ROBO2: variants seen among roughly 807,000 people sequenced by gnomAD.
The protein encoded by ROBO2 is roundabout guidance receptor 2, also known as roundabout homolog 2.
A neutral mutation model predicts 160.8 loss-of-function variants in ROBO2; 53 were observed. That is an observed-to-expected ratio of 0.33 (90% confidence interval 0.26 to 0.41). The LOEUF is 0.41. Among genes scored for constraint, ROBO2 ranks in the 10% least tolerant of loss-of-function variants. ROBO2 has a pLI of 1.00. For synonymous variants in ROBO2, 664 were observed against 611.7 expected (o/e 1.09, Z -1.26); for missense variants, 1,577 against 1,722.4 (o/e 0.92, Z 1.49).
At chr3:76,123,817 T>C (rs908769246) in intron 2 of ROBO2, among the ~76,000 whole-genome samples, 3 of 152,174 alleles carry the variant, frequency 2.0e-5, no homozygotes, top group Non-Finnish European at 4.4e-5. Context: ...CCTTGATCCC[T>C]ACTGCTTCAC....
intron 2 of ROBO2, among the ~76,000 whole-genome samples, chr3:76,513,774 C>G (rs1237004351): frequency 1.3e-5 from 2 of 152,148 alleles, no homozygotes; most frequent in African/African-American, 2.4e-5. Flanking sequence ...AAACAACTAT[C>G]AGACTATCCC....
chr3:76,763,743 T>A (rs913909371), intron 2 of ROBO2, among the ~76,000 whole-genome samples: 1 of 151,682 alleles, frequency 6.6e-6, no homozygotes, highest in Admixed American at 6.6e-5. Flanking sequence ...GGGATCTGGG[T>A]AAACTGTGGA....
intron 2 of ROBO2, among the ~76,000 whole-genome samples, chr3:76,637,683 T>C (rs1391328990): frequency 1.3e-5 from 2 of 152,176 alleles, no homozygotes; most frequent in Non-Finnish European, 2.9e-5. Flanking sequence ...TTTGAAATGC[T>C]AGAGGAGAGC....
intron 1 of ROBO2, among the ~76,000 whole-genome samples, chr3:77,046,757 G>A (rs899498602): frequency 1.3e-5 from 2 of 152,164 alleles, no homozygotes; most frequent in African/African-American, 4.8e-5. Context: ...ATTTTCTGAA[G>A]AGTCCATGAG....
At chr3:76,522,284 C>A (rs1167787829) in intron 2 of ROBO2, among the ~76,000 whole-genome samples, 1 of 152,140 alleles carries the variant, frequency 6.6e-6, no homozygotes, top group East Asian at 1.9e-4. Context: ...TGTGTGTATT[C>A]AAGAGCCAAA....
intron 14 of ROBO2, 110 bp from the exon 16 acceptor site, chr3:77,577,380 C>A: frequency 7.2e-7 from 1 of 1,395,868 alleles, no homozygotes; most frequent in Non-Finnish European, 1.0e-6. Flanking sequence ...ATTCAGAACT[C>A]CTGGAAGCCA....
intron 2 of ROBO2, among the ~76,000 whole-genome samples, chr3:77,211,792 T>C (rs1478962695): frequency 6.6e-6 from 1 of 152,246 alleles, no homozygotes; most frequent in Non-Finnish European, 1.5e-5. Context: ...TTTCTACATA[T>C]GGCTACCCAG....
At chr3:76,735,394 C>T (rs986734339) in intron 2 of ROBO2, among the ~76,000 whole-genome samples, 1 of 152,084 alleles carries the variant, frequency 6.6e-6, no homozygotes, top group African/African-American at 2.4e-5. Flanking sequence ...ATTGTGTATT[C>T]ATAGACATCA....
At chr3:76,255,773 A>G (rs1706319285) in intron 2 of ROBO2, among the ~76,000 whole-genome samples, 1 of 152,090 alleles carries the variant, frequency 6.6e-6, no homozygotes, top group African/African-American at 2.4e-5. Flanking sequence ...TGTATAGACA[A>G]TTCTCATGCA....
At chr3:77,099,508 C>G (rs564833702) in intron 2 of ROBO2, among the ~76,000 whole-genome samples, 73 of 152,178 alleles carry the variant, frequency 4.8e-4, no homozygotes, top group African/African-American at 1.7e-3. Context: ...AGCAGTAGGA[C>G]TTTAGTTAAC....
chr3:77,384,138 A>G (rs74914626), intron 2 of ROBO2, among the ~76,000 whole-genome samples: 6,159 of 152,230 alleles, frequency 0.04, 436 homozygotes, highest in African/African-American at 0.14. Context: ...TTTGGTCATG[A>G]CAAATCTATG....
intron 2 of ROBO2, among the ~76,000 whole-genome samples, chr3:76,709,036 T>G (rs186503126): frequency 3.7e-4 from 56 of 152,252 alleles, no homozygotes; most frequent in Middle Eastern, 3.4e-3. Flanking sequence ...AGATATTTTG[T>G]TTTTGGTTTT....
intron 2 of ROBO2, among the ~76,000 whole-genome samples, chr3:77,464,272 T>C (rs1458156039): frequency 1.3e-5 from 2 of 152,202 alleles, no homozygotes; most frequent in African/African-American, 4.8e-5. Flanking sequence ...CACAGTGCTG[T>C]GTTGCCTTCC....
chr3:77,211,212 A>T (rs112182250), intron 2 of ROBO2, among the ~76,000 whole-genome samples: 2 of 152,184 alleles, frequency 1.3e-5, no homozygotes, highest in Non-Finnish European at 2.9e-5. Flanking sequence ...CCAACAGTGT[A>T]AAAGTGTTCC....
intron 23 of ROBO2, among the ~76,000 whole-genome samples, chr3:77,623,540 A>G (rs536149360): frequency 6.6e-6 from 1 of 152,320 alleles, no homozygotes; most frequent in South Asian, 2.1e-4. Flanking sequence ...TGTGTGATGC[A>G]TGAGCCCATT....
chr3:76,938,814 A>T (rs1166557996), intron 2 of ROBO2, among the ~76,000 whole-genome samples: 1 of 152,104 alleles, frequency 6.6e-6, no homozygotes, highest in Non-Finnish European at 1.5e-5. Flanking sequence ...TACTAAAAAC[A>T]CAAAAAATTA....
chr3:77,238,336 G>A (rs1213517851), intron 2 of ROBO2, among the ~76,000 whole-genome samples: 6 of 151,896 alleles, frequency 4.0e-5, no homozygotes, highest in East Asian at 1.9e-4. Flanking sequence ...CTCTTGTGCC[G>A]TTTTCTGGAA....
At chr3:76,231,241 A>G (rs1449624938) in intron 2 of ROBO2, among the ~76,000 whole-genome samples, 1 of 152,166 alleles carries the variant, frequency 6.6e-6, no homozygotes, top group Non-Finnish European at 1.5e-5. Flanking sequence ...ATGAAGAGCA[A>G]TTATAACCGT....
At chr3:76,083,572 A>G (rs1470471157) in intron 2 of ROBO2, among the ~76,000 whole-genome samples, 1 of 152,142 alleles carries the variant, frequency 6.6e-6, no homozygotes, top group Non-Finnish European at 1.5e-5. Flanking sequence ...GAAACTTACT[A>G]AGCTTTTAGA....
Sources: allele counts gnomAD v4.1 joint callset (sites outside exome capture counted in the v4.1 genomes callset), GRCh38; gene constraint gnomAD v4.1.1; transcripts MANE v1.5; gene names NCBI Gene and HGNC (gene_info 2026-07-23, HGNC 2026-07-21).